The following GRK5 variants were observed in gnomAD, a reference collection of about 807,000 sequenced individuals.
The protein encoded by GRK5 is G protein-coupled receptor kinase 5, also known as g protein-coupled receptor kinase GRK5.
In GRK5, 40 loss-of-function variants were observed where a neutral mutation model predicts 78.4. The ratio of observed to expected loss-of-function variants is 0.51; its 90% CI spans 0.40 to 0.66. The LOEUF is 0.66. Among genes scored for constraint, GRK5 ranks in the 30% least tolerant of loss-of-function variants. The probability of loss-of-function intolerance (pLI) is 0.00; values close to 1 mark genes in which losing one functional copy is unlikely to be tolerated. For missense variants in GRK5, 598 were observed against 759.9 expected (o/e 0.79, Z 2.50); for synonymous variants, 289 against 296.8 (o/e 0.97, Z 0.27).
At chr10:119,385,393 T>C (rs895890622) in intron 3 of GRK5, among the ~76,000 whole-genome samples, 4 of 152,152 alleles carry the variant, frequency 2.6e-5, no homozygotes, top group Non-Finnish European at 5.9e-5. Flanking sequence ...GCCTCCTAAG[T>C]AGCTGCAAAT....
chr10:119,393,427 G>T (rs1308403451), intron 3 of GRK5, among the ~76,000 whole-genome samples: 1 of 152,232 alleles, frequency 6.6e-6, no homozygotes, highest in Non-Finnish European at 1.5e-5. Context: ...TGGTTATTGA[G>T]GCTGATTAGT....
At chr10:119,348,222 T>C (rs1223562323) in intron 2 of GRK5, among the ~76,000 whole-genome samples, 1 of 152,158 alleles carries the variant, frequency 6.6e-6, no homozygotes, top group Non-Finnish European at 1.5e-5. Context: ...GGGAAGCCCA[T>C]AGCTCAGTTT....
chr10:119,439,866 C>T (rs1852997820), intron 10 of GRK5, 98 bp downstream of exon 10: 1 of 1,110,408 alleles, frequency 9.0e-7, no homozygotes, highest in Non-Finnish European at 1.4e-6. Flanking sequence ...GGAAGCTGAC[C>T]ACGGGCCCCA....
intron 4 of GRK5, among the ~76,000 whole-genome samples, chr10:119,415,289 A>T (rs1401195002): frequency 2.0e-5 from 3 of 151,990 alleles, no homozygotes; most frequent in Non-Finnish European, 4.4e-5. Context: ...GGTGGGAAGG[A>T]ACGAAGGGAC....
chr10:119,315,535 T>C (rs1850471076), intron 1 of GRK5, among the ~76,000 whole-genome samples: 1 of 152,164 alleles, frequency 6.6e-6, no homozygotes, highest in African/African-American at 2.4e-5. Context: ...TCAGAACAGC[T>C]GGCCGCCTCC....
At chr10:119,417,089 T>C (rs4752305) in intron 4 of GRK5, among the ~76,000 whole-genome samples, 93,168 of 152,164 alleles carry the variant, frequency 0.61, 29,940 homozygotes, top group African/African-American at 0.81. Flanking sequence ...GCCTGCTTCA[T>C]GGGCCTTGGC....
chr10:119,296,163 G>A (rs1176682414), intron 1 of GRK5, among the ~76,000 whole-genome samples: 1 of 152,186 alleles, frequency 6.6e-6, no homozygotes, highest in East Asian at 1.9e-4. Flanking sequence ...CGACATATTG[G>A]CTTGGTTCTC....
chr10:119,337,782 G>C (rs1420646519), intron 2 of GRK5, among the ~76,000 whole-genome samples: 1 of 152,070 alleles, frequency 6.6e-6, no homozygotes, highest in Non-Finnish European at 1.5e-5. Context: ...ACTGTGCCCG[G>C]CTAATTTTTT....
intron 1 of GRK5, among the ~76,000 whole-genome samples, chr10:119,277,565 T>G (rs1849690147): frequency 6.6e-6 from 1 of 152,164 alleles, no homozygotes; most frequent in Non-Finnish European, 1.5e-5. Flanking sequence ...AAAACCACTT[T>G]ATTGAGTGTA....
intron 2 of GRK5, among the ~76,000 whole-genome samples, chr10:119,357,418 C>A (rs1851281079): frequency 6.6e-6 from 1 of 152,136 alleles, no homozygotes. Flanking sequence ...GAGCGGGGGT[C>A]AGGGAGATGT....
In GRK5 at chr10:119,389,366, G is replaced by A. The variant is rs550628016; in HGVS notation, c.262-7329G>A. 4.6e-5 allele frequency among the ~76,000 whole-genome samples: 7 copies of A among 152,294 alleles called. No homozygotes were observed. The South Asian group carries it at 1.4e-3, about 32-fold the overall frequency. ...TATTTGTCTTTGTCTTTCTCTCACT[G>A]GTGTGATCCCCCAAAATGGGAAGAG... On this transcript the variant is annotated intron_variant, in intron 3 of 15. Coordinates refer to ENST00000392870, the MANE Select transcript of GRK5 (RefSeq NM_005308.3).
chr10:119,449,879 GCT>G (rs1853240863), intron 13 of GRK5, among the ~76,000 whole-genome samples: 1 of 152,208 alleles, frequency 6.6e-6, no homozygotes. Context: ...TCACAGCATT[GCT>G]CTCGACCCTG....
chr10:119,442,555 C>G lies in GRK5; in HGVS notation c.1057+467C>G, dbSNP rs776546317. ...ACCTTTCCTCAGTCTGCTCTGAGAC[C>G]AGCGTCCTGGGGGTTGCAGGGAAGA... On this transcript the variant is annotated intron_variant, in intron 11 of 15. Transcript: ENST00000392870. 4.3e-4 allele frequency among the ~76,000 whole-genome samples: 66 copies of G among 152,232 alleles called. 1 individual carries two copies. The highest frequency in any genetic ancestry group is 1.0e-3 in the Admixed American group (16 of 15,282).
intron 1 of GRK5, among the ~76,000 whole-genome samples, chr10:119,229,770 CTGG>C (rs1848796494): frequency 6.6e-6 from 1 of 152,164 alleles, no homozygotes; most frequent in African/African-American, 2.4e-5. Flanking sequence ...GGACAGGTGG[CTGG>C]TGGTATGAAG....
intron 1 of GRK5, among the ~76,000 whole-genome samples, chr10:119,230,959 G>A (rs1848818258): frequency 6.6e-6 from 1 of 152,072 alleles, no homozygotes; most frequent in East Asian, 1.9e-4. Flanking sequence ...GTGGTTCTTG[G>A]AAGTATTGTG....
chr10:119,299,882 AT>A (rs1221424913), intron 1 of GRK5, among the ~76,000 whole-genome samples: 4 of 152,094 alleles, frequency 2.6e-5, no homozygotes, highest in Non-Finnish European at 5.9e-5. Context: ...TTACATATGT[AT>A]ACATGTGCCA....
chr10:119,455,659 T>C lies in GRK5; in HGVS notation c.*592T>C, dbSNP rs964326090. On this transcript the variant is annotated 3_prime_UTR_variant, in exon 16 of 16. Transcript: ENST00000392870. ...GATTGGTTGTATTTACCCACATCTA[T>C]CTCTGGAGCCATTTCCTCACATTGG... 3.1e-5 allele frequency: 8 copies of C among 256,922 alleles called. No homozygotes were observed. In the Admixed American group the frequency reaches 4.5e-4, roughly 15 times the overall value. The allele number at this position is 256,922 out of a possible 1,614,324, so 15.9% of individuals were successfully genotyped here. A position where few individuals can be genotyped will look rare whatever the true frequency, so the allele number is the denominator to read the frequency against.
At position 119,290,548 on chromosome 10, in the gene GRK5, G is replaced by A. The variant is rs1259990394; in HGVS notation, c.53-35968G>A. ...CTGACCATTTCCTTTTCACAAAGTG[G>A]TTCTCACTTCTGCCTCTAGAAGGCA... On this transcript the variant is annotated intron_variant, in intron 1 of 15. Coordinates refer to ENST00000392870, the MANE Select transcript of GRK5 (RefSeq NM_005308.3). 2.0e-5 allele frequency among the ~76,000 whole-genome samples: 3 copies of A among 151,878 alleles called. No individual in the cohort carries two copies. In the East Asian group the frequency reaches 5.8e-4, roughly 30 times the overall value.
At chr10:119,250,093 A>G (rs118056558) in intron 1 of GRK5, among the ~76,000 whole-genome samples, 3,226 of 152,324 alleles carry the variant, frequency 0.021, 58 homozygotes, top group Admixed American at 0.054. Flanking sequence ...TTCAGAGTCT[A>G]GGAGTGCTGT....
Sources: allele counts gnomAD v4.1 joint callset (sites outside exome capture counted in the v4.1 genomes callset), GRCh38; gene constraint gnomAD v4.1.1; transcripts MANE v1.5; gene names NCBI Gene and HGNC (gene_info 2026-07-23, HGNC 2026-07-21).